Variants in LINGO2 observed in about 807,000 individuals in gnomAD.
LINGO2 encodes leucine-rich repeat and immunoglobulin-like domain-containing nogo receptor-interacting protein 2.
LINGO2 carries 14 observed loss-of-function variants against 30.6 expected under a neutral mutation model. The ratio of observed to expected loss-of-function variants is 0.46; its 90% CI spans 0.30 to 0.72. LINGO2 has a LOEUF of 0.72. Among genes scored for constraint, LINGO2 ranks in the 30% least tolerant of loss-of-function variants. The pLI, the probability that LINGO2 is intolerant of heterozygous loss-of-function variation, is 0.07. For missense variants in LINGO2, 729 were observed against 751.7 expected (o/e 0.97, Z 0.35); for synonymous variants, 317 against 288.5 (o/e 1.10, Z -1.00).
chr9:29,183,057 C>T, the LINGO2 span, among the ~76,000 whole-genome samples: 1 of 152,018 alleles, frequency 6.6e-6, no homozygotes, highest in African/African-American at 2.4e-5. Context: ...AAATGACAAA[C>T]AATAAACCCA....
At chr9:29,012,730 A>G in the LINGO2 span, among the ~76,000 whole-genome samples, 1 of 152,178 alleles carries the variant, frequency 6.6e-6, no homozygotes, top group Non-Finnish European at 1.5e-5. Flanking sequence ...AATTTTACAT[A>G]TATCTAGTAA....
At chr9:28,800,856 G>T in the LINGO2 span, among the ~76,000 whole-genome samples, 312 of 152,170 alleles carry the variant, frequency 2.1e-3, no homozygotes, top group African/African-American at 6.3e-3. Context: ...ATTACAATGA[G>T]TATATAGTTA....
the LINGO2 span, among the ~76,000 whole-genome samples, chr9:28,774,489 T>TAC: frequency 9.2e-5 from 14 of 151,948 alleles, no homozygotes; most frequent in East Asian, 1.9e-4. Context: ...CACATATATA[T>TAC]ACACACACAC....
chr9:28,904,641 GAGTA>G, the LINGO2 span, among the ~76,000 whole-genome samples: 1 of 150,968 alleles, frequency 6.6e-6, no homozygotes. Context: ...AAATTTAACT[GAGTA>G]AGTGAATGGC....
chr9:29,181,467 A>G, the LINGO2 span, among the ~76,000 whole-genome samples: 1 of 152,192 alleles, frequency 6.6e-6, no homozygotes, highest in Non-Finnish European at 1.5e-5. Context: ...TTCATGTTTG[A>G]TGATTTATTA....
chr9:28,548,645 A>C (rs766780441), intron 1 of LINGO2, among the ~76,000 whole-genome samples: 1 of 135,154 alleles, frequency 7.4e-6, no homozygotes, highest in South Asian at 2.4e-4. Flanking sequence ...CAGAGGTTGC[A>C]CTGAGCCGAG....
the LINGO2 span, among the ~76,000 whole-genome samples, chr9:28,923,065 C>A: frequency 6.6e-6 from 1 of 152,104 alleles, no homozygotes; most frequent in African/African-American, 2.4e-5. Flanking sequence ...GAAAGAAATG[C>A]GGCACTAGAA....
chr9:28,968,390 T>A, the LINGO2 span, among the ~76,000 whole-genome samples: 14 of 152,142 alleles, frequency 9.2e-5, no homozygotes, highest in Non-Finnish European at 1.8e-4. Context: ...AGATCCCAAG[T>A]GACTTTCCCA....
chr9:28,357,315 GCCCAC>G (rs1299617524), intron 3 of LINGO2, among the ~76,000 whole-genome samples: 1 of 66,060 alleles, frequency 1.5e-5, no homozygotes, highest in Non-Finnish European at 3.5e-5. Context: ...CAGAAATAAA[GCCCAC>G]CCCCCCCAAA....
At chr9:28,478,611 T>A (rs917848001) in intron 1 of LINGO2, among the ~76,000 whole-genome samples, 3 of 152,110 alleles carry the variant, frequency 2.0e-5, no homozygotes, top group African/African-American at 7.2e-5. Context: ...TGTGTTTGTG[T>A]GTGTTTTCCA....
At chr9:28,200,357 C>T (rs947995690) in intron 4 of LINGO2, among the ~76,000 whole-genome samples, 2 of 152,084 alleles carry the variant, frequency 1.3e-5, no homozygotes, top group Non-Finnish European at 2.9e-5. Flanking sequence ...GAAAAAAAAG[C>T]CTCCAAATTT....
chr9:28,481,415 A>G (rs1825958639), intron 1 of LINGO2, among the ~76,000 whole-genome samples: 2 of 152,068 alleles, frequency 1.3e-5, no homozygotes, highest in South Asian at 4.1e-4. Context: ...AATTTGCATG[A>G]TTAGCCACTT....
At chr9:28,813,251 T>G in the LINGO2 span, among the ~76,000 whole-genome samples, 1 of 152,136 alleles carries the variant, frequency 6.6e-6, no homozygotes, top group African/African-American at 2.4e-5. Context: ...AGACCCTCAG[T>G]GGATGCCTGA....
At chr9:29,074,744 G>A in the LINGO2 span, among the ~76,000 whole-genome samples, 1 of 144,764 alleles carries the variant, frequency 6.9e-6, no homozygotes, top group Non-Finnish European at 1.5e-5. Flanking sequence ...GGAGGGCAGT[G>A]GCGCAATCTC....
intron 4 of LINGO2, among the ~76,000 whole-genome samples, chr9:28,231,830 C>T (rs1308222090): frequency 6.6e-6 from 1 of 151,664 alleles, no homozygotes; most frequent in East Asian, 1.9e-4. Flanking sequence ...TAAGCATGCA[C>T]AAAAATGGAA....
intron 2 of LINGO2, among the ~76,000 whole-genome samples, chr9:28,374,446 T>G (rs2134590017): frequency 6.6e-6 from 1 of 151,936 alleles, no homozygotes; most frequent in African/African-American, 2.4e-5. Flanking sequence ...AATGCAAAAA[T>G]TATACTATTT....
chr9:28,953,741 T>C, the LINGO2 span, among the ~76,000 whole-genome samples: 3 of 152,106 alleles, frequency 2.0e-5, no homozygotes, highest in Admixed American at 6.6e-5. Flanking sequence ...AAAGTTATTG[T>C]AGAATACTTC....
intron 4 of LINGO2, among the ~76,000 whole-genome samples, chr9:28,157,605 C>G (rs1828169279): frequency 6.6e-6 from 1 of 152,106 alleles, no homozygotes; most frequent in Non-Finnish European, 1.5e-5. Flanking sequence ...TGATTTTTTT[C>G]TTTTCTATCA....
the LINGO2 span, among the ~76,000 whole-genome samples, chr9:28,876,566 C>A: frequency 1.3e-5 from 2 of 152,146 alleles, no homozygotes; most frequent in African/African-American, 4.8e-5. Context: ...TATGTCCCTA[C>A]AAAGGACATG....
Sources: gnomAD v4.1 joint callset for allele counts (sites outside exome capture counted in the v4.1 genomes callset) on GRCh38, gnomAD v4.1.1 for gene constraint, MANE v1.5 for transcripts, NCBI Gene and HGNC (gene_info 2026-07-23, HGNC 2026-07-21) for gene names.